NELL1: variants seen among roughly 807,000 people sequenced by gnomAD.
The protein encoded by NELL1 is protein kinase C-binding protein NELL1.
A neutral mutation model predicts 107.4 loss-of-function variants in NELL1; 76 were observed. That is an observed-to-expected ratio of 0.71 (90% CI 0.59 to 0.86). The LOEUF (loss-of-function observed/expected upper bound fraction) is 0.86, where lower values mean the gene tolerates loss of function less well. NELL1 is among the 40% of genes least tolerant of loss of function. NELL1 has a pLI of 0.00. For synonymous variants in NELL1, 353 were observed against 341.2 expected, an observed-to-expected ratio of 1.03 and a Z score of -0.38; for missense variants, 1,024 against 1,005.5, an observed-to-expected ratio of 1.02 and a Z score of -0.25.
chr11:21,171,454 T>C (rs1856605425), intron 13 of NELL1, among the ~76,000 whole-genome samples: 1 of 151,916 alleles, frequency 6.6e-6, no homozygotes, highest in Admixed American at 6.5e-5. Flanking sequence ...AACGAAACTG[T>C]GATAGACCCT....
intron 12 of NELL1, among the ~76,000 whole-genome samples, chr11:20,994,749 A>C (rs1400369): frequency 0.28 from 43,172 of 152,060 alleles, 6,444 homozygotes; most frequent in East Asian, 0.41. Context: ...AACTAGAATT[A>C]TTTGTTGTCC....
Position 20,927,376 on chromosome 11 carries a change from T to C in NELL1, c.828T>C (p.Ser276=). The change falls in exon 8 of 20, where the codon AGT becomes AGC. Residue 276 remains serine, a synonymous_variant. Coordinates refer to ENST00000357134, the MANE Select transcript of NELL1 (RefSeq NM_006157.5). The stretch of plus-strand genomic sequence containing the variant: ...ATTGTGAGAAGACTTGTCAAGTGAG[T>C]GGACTGCTCTATCGAGATCAAGACT... ...NCHCEKTCQV[S]GLLYRDQDSW... 4 of 1,613,396 alleles carry C rather than the reference T, an allele frequency of 2.5e-6. No individual in the cohort carries two copies. The highest frequency in any genetic ancestry group is 3.4e-6 in the Non-Finnish European group (4 of 1,179,648).
chr11:20,778,498 C>CTTTTTTTTTTTT (rs1161737750), intron 2 of NELL1, among the ~76,000 whole-genome samples: 1 of 73,020 alleles, frequency 1.4e-5, no homozygotes, highest in African/African-American at 6.1e-5. Flanking sequence ...TCACCCAGCA[C>CTTTTTTTTTTTT]TTTTTTTTTT....
chr11:21,423,877 C>T (rs1287680654), intron 15 of NELL1, among the ~76,000 whole-genome samples: 1 of 152,128 alleles, frequency 6.6e-6, no homozygotes, highest in African/African-American at 2.4e-5. Flanking sequence ...AAAATAATCA[C>T]TGGATCAAGG....
At chr11:21,355,118 C>T (rs1366776472) in intron 14 of NELL1, among the ~76,000 whole-genome samples, 4 of 152,146 alleles carry the variant, frequency 2.6e-5, no homozygotes, top group Non-Finnish European at 5.9e-5. Flanking sequence ...TTGAATTTTG[C>T]ATGTTAAAAT....
At chr11:20,692,149 A>G (rs989307232) in intron 2 of NELL1, among the ~76,000 whole-genome samples, 1 of 151,048 alleles carries the variant, frequency 6.6e-6, no homozygotes, top group Non-Finnish European at 1.5e-5. Flanking sequence ...ATCATTTTTT[A>G]TTGTGTCTAT....
chr11:21,367,818 C>T (rs1851262853), intron 14 of NELL1, among the ~76,000 whole-genome samples: 1 of 152,002 alleles, frequency 6.6e-6, no homozygotes, highest in Admixed American at 6.6e-5. Context: ...GAATTAGGAC[C>T]ATATAATTTC....
intron 12 of NELL1, among the ~76,000 whole-genome samples, chr11:21,099,210 CACACACACACACACACACACACAA>C (rs1325093225): frequency 7.2e-6 from 1 of 139,690 alleles, no homozygotes; most frequent in Non-Finnish European, 1.6e-5. Context: ...CACACACACA[CACACACACACACACACACACACAA>C]ACACACACAC....
intron 13 of NELL1, among the ~76,000 whole-genome samples, chr11:21,129,853 A>G (rs185367888): frequency 1.3e-5 from 2 of 152,342 alleles, no homozygotes; most frequent in Non-Finnish European, 1.5e-5. Flanking sequence ...GCTGTACAAT[A>G]TAAATGTGCT....
chr11:21,491,144 G>A (rs1854796734), intron 15 of NELL1, among the ~76,000 whole-genome samples: 1 of 152,050 alleles, frequency 6.6e-6, no homozygotes, highest in Non-Finnish European at 1.5e-5. Context: ...CCATTTTGTA[G>A]GTTGCCTGTT....
chr11:20,854,171 T>C (rs756965285), intron 4 of NELL1, among the ~76,000 whole-genome samples: 2 of 152,208 alleles, frequency 1.3e-5, no homozygotes, highest in Non-Finnish European at 2.9e-5. Flanking sequence ...CTCTCTACTT[T>C]GAAAGTCTGG....
intron 12 of NELL1, among the ~76,000 whole-genome samples, chr11:21,077,733 ACT>A (rs1265333129): frequency 6.9e-6 from 1 of 144,186 alleles, no homozygotes; most frequent in East Asian, 2.1e-4. Flanking sequence ...ACAGAGTGAG[ACT>A]CTGTCTCAGG....
intron 14 of NELL1, among the ~76,000 whole-genome samples, chr11:21,363,074 C>T (rs997015414): frequency 6.6e-6 from 1 of 152,184 alleles, no homozygotes; most frequent in African/African-American, 2.4e-5. Flanking sequence ...GAGAAAGCTC[C>T]TATCTACAGA....
intron 4 of NELL1, among the ~76,000 whole-genome samples, chr11:20,865,308 G>A (rs568840929): frequency 7.9e-5 from 12 of 152,328 alleles, no homozygotes. Context: ...AGGTGACCCA[G>A]TATTTGTAAG....
At chr11:20,850,705 G>A (rs138683762) in intron 4 of NELL1, among the ~76,000 whole-genome samples, 334 of 152,172 alleles carry the variant, frequency 2.2e-3, no homozygotes, top group Middle Eastern at 0.014. Context: ...ATATTTCCCT[G>A]CCACATGTCT....
intron 14 of NELL1, among the ~76,000 whole-genome samples, chr11:21,265,728 G>T (rs1386330100): frequency 6.6e-6 from 1 of 151,772 alleles, no homozygotes. Context: ...AATAGTCTTG[G>T]GTTCTTAAAA....
At chr11:21,446,870 A>G (rs1178386922) in intron 15 of NELL1, among the ~76,000 whole-genome samples, 2 of 152,186 alleles carry the variant, frequency 1.3e-5, no homozygotes, top group East Asian at 3.8e-4. Context: ...GATGAGTTCT[A>G]CCATGTCCCA....
At chr11:21,066,673 A>G (rs1157904207) in intron 12 of NELL1, among the ~76,000 whole-genome samples, 1 of 152,106 alleles carries the variant, frequency 6.6e-6, no homozygotes, top group Non-Finnish European at 1.5e-5. Context: ...TTCCAGGTCC[A>G]GTGTGGTGGC....
Position 20,875,280 on chromosome 11 carries a change from G to A in NELL1, c.507-10164G>A, listed in dbSNP as rs192255478. Among the ~76,000 whole-genome samples, 597 of 151,828 alleles carry A rather than the reference G, an allele frequency of 3.9e-3. 5 individuals carry two copies. Among genetic ancestry groups the A allele is most frequent in the African/African-American group, 0.013 (551 of 41,354 alleles). On this transcript the variant is annotated intron_variant, in intron 4 of 19. Coordinates refer to ENST00000357134, the MANE Select transcript of NELL1 (RefSeq NM_006157.5). ...AACTTTGGACCCTTTTCATTTTTCC[G>A]TGTGAAATTTCATCTGATTTGGCCC...
Sources: gnomAD v4.1 joint callset for allele counts (sites outside exome capture counted in the v4.1 genomes callset) on GRCh38, gnomAD v4.1.1 for gene constraint, MANE v1.5 for transcripts, NCBI Gene and HGNC (gene_info 2026-07-23, HGNC 2026-07-21) for gene names.